CSMD1: variants seen among roughly 807,000 people sequenced by gnomAD.
CSMD1 encodes CUB and Sushi multiple domains 1.
Under a neutral mutation model 417.5 loss-of-function variants are expected in CSMD1, and 213 were observed. The ratio of observed to expected loss-of-function variants is 0.51; its 90% CI spans 0.46 to 0.57. CSMD1 has a LOEUF of 0.57. Among genes scored for constraint, CSMD1 ranks in the 20% least tolerant of loss-of-function variants. The pLI is 0.00. For synonymous variants in CSMD1, 2,862 were observed against 1,736.8 expected, an observed-to-expected ratio of 1.65 and a Z score of -16.11; for missense variants, 6,923 against 4,529.7, an observed-to-expected ratio of 1.53 and a Z score of -15.17.
intron 3 of CSMD1, among the ~76,000 whole-genome samples, chr8:4,346,287 A>G (rs1343197728): frequency 6.6e-6 from 1 of 152,180 alleles, no homozygotes; most frequent in East Asian, 1.9e-4. Context: ...CACATGAAAG[A>G]TACACATAAT....
At position 4,332,858 on chromosome 8, in the gene CSMD1, A is replaced by G. The variant is rs191428053; in HGVS notation, c.415+87095T>C. Among the ~76,000 whole-genome samples the G allele has an allele frequency of 3.6e-3, 549 of 152,012 alleles. 4 individuals are homozygous for G. The highest frequency in any genetic ancestry group is 4.2e-3 in the Non-Finnish European group (285 of 67,970). On this transcript the variant is annotated intron_variant, in intron 3 of 69. Transcript: ENST00000635120. ...GCTGATGAAATGTTTTTTCCCAATC[A>G]TCTACACAAAGGAATGTTTTTGAGA...
intron 2 of CSMD1, among the ~76,000 whole-genome samples, chr8:4,525,760 G>A (rs1796481712): frequency 6.6e-6 from 1 of 152,128 alleles, no homozygotes; most frequent in South Asian, 2.1e-4. Context: ...TATTTCACAA[G>A]GACAATCAAT....
At chr8:4,251,086 A>C (rs1040351562) in intron 3 of CSMD1, among the ~76,000 whole-genome samples, 4 of 152,184 alleles carry the variant, frequency 2.6e-5, no homozygotes, top group Non-Finnish European at 5.9e-5. Context: ...TTGTAGTCAC[A>C]TTTTCCCTGC....
At chr8:3,521,472 C>A (rs1432727441) in intron 10 of CSMD1, among the ~76,000 whole-genome samples, 1 of 152,174 alleles carries the variant, frequency 6.6e-6, no homozygotes, top group African/African-American at 2.4e-5. Context: ...TGGCCCATAG[C>A]ATTGTTCCTT....
intron 3 of CSMD1, among the ~76,000 whole-genome samples, chr8:4,035,352 C>G (rs926833815): frequency 6.6e-6 from 1 of 152,146 alleles, no homozygotes; most frequent in African/African-American, 2.4e-5. Flanking sequence ...ACTTACTATA[C>G]TATACTTTTT....
chr8:4,657,501 G>T (rs1018132206), intron 1 of CSMD1, among the ~76,000 whole-genome samples: 3 of 151,882 alleles, frequency 2.0e-5, no homozygotes, highest in Non-Finnish European at 4.4e-5. Context: ...TAGTTAAAGG[G>T]ACAAAGGCTT....
chr8:4,900,252 A>G (rs1055979836), intron 1 of CSMD1, among the ~76,000 whole-genome samples: 7 of 152,162 alleles, frequency 4.6e-5, no homozygotes, highest in African/African-American at 1.7e-4. Flanking sequence ...TTCACCTGCC[A>G]GTGTCACCTT....
At chr8:4,142,966 C>G (rs544551122) in intron 3 of CSMD1, among the ~76,000 whole-genome samples, 110 of 148,506 alleles carry the variant, frequency 7.4e-4, no homozygotes, top group Non-Finnish European at 1.3e-3. Flanking sequence ...CAGAAACTAT[C>G]AGATGCTTAG....
intron 54 of CSMD1, among the ~76,000 whole-genome samples, chr8:2,992,425 T>C (rs1405119936): frequency 3.3e-5 from 5 of 151,918 alleles, no homozygotes; most frequent in Admixed American, 2.0e-4. Flanking sequence ...TGCTTTGTTG[T>C]TGTTGCTGTT....
chr8:4,193,626 G>T (rs1402880469), intron 3 of CSMD1, among the ~76,000 whole-genome samples: 1 of 152,144 alleles, frequency 6.6e-6, no homozygotes, highest in African/African-American at 2.4e-5. Flanking sequence ...CAATGAGTGT[G>T]CTGTCAAGGG....
chr8:3,295,876 A>G (rs932936259), intron 25 of CSMD1, among the ~76,000 whole-genome samples: 1 of 152,142 alleles, frequency 6.6e-6, no homozygotes, highest in Non-Finnish European at 1.5e-5. Context: ...GATTTAGTTC[A>G]ATAATTCAAC....
At chr8:3,759,754 A>T (rs1438324851) in intron 5 of CSMD1, among the ~76,000 whole-genome samples, 1 of 151,310 alleles carries the variant, frequency 6.6e-6, no homozygotes, top group Admixed American at 6.6e-5. Flanking sequence ...AAAAAAAAAA[A>T]AAAATTAGCC....
intron 3 of CSMD1, among the ~76,000 whole-genome samples, chr8:4,376,518 G>C (rs927331211): frequency 2.6e-5 from 4 of 152,060 alleles, no homozygotes; most frequent in African/African-American, 9.7e-5. Context: ...TTTCCCCACA[G>C]TATATTTAAT....
At chr8:4,402,783 A>C (rs1448896862) in intron 3 of CSMD1, among the ~76,000 whole-genome samples, 3 of 146,954 alleles carry the variant, frequency 2.0e-5, no homozygotes, top group East Asian at 4.0e-4. Flanking sequence ...CTGTGAGTAT[A>C]ATGTCCTCAC....
intron 1 of CSMD1, among the ~76,000 whole-genome samples, chr8:4,897,452 G>A (rs1352215913): frequency 6.6e-6 from 1 of 152,076 alleles, no homozygotes; most frequent in Non-Finnish European, 1.5e-5. Flanking sequence ...TCCACTTGCT[G>A]ATGGGAATAT....
At chr8:3,994,720 G>A (rs1018751182) in intron 5 of CSMD1, among the ~76,000 whole-genome samples, 1 of 152,134 alleles carries the variant, frequency 6.6e-6, no homozygotes. Flanking sequence ...TTTGGCACAT[G>A]ACATCATCCC....
intron 2 of CSMD1, among the ~76,000 whole-genome samples, chr8:4,610,943 C>G (rs1251246149): frequency 6.6e-6 from 1 of 152,106 alleles, no homozygotes; most frequent in Non-Finnish European, 1.5e-5. Flanking sequence ...AAATCACATT[C>G]GATAAAATTG....
intron 3 of CSMD1, among the ~76,000 whole-genome samples, chr8:4,381,266 G>A (rs190981945): frequency 9.8e-5 from 15 of 152,296 alleles, no homozygotes; most frequent in East Asian, 3.9e-4. Context: ...GAATAAAGGC[G>A]TCAAAACAGC....
At chr8:3,292,806 G>T (rs532158458) in intron 25 of CSMD1, among the ~76,000 whole-genome samples, 1 of 151,244 alleles carries the variant, frequency 6.6e-6, no homozygotes, top group Admixed American at 6.6e-5. Flanking sequence ...TCTTTTAATT[G>T]GAGCATTTAG....
Sources: gnomAD v4.1 joint callset for allele counts (sites outside exome capture counted in the v4.1 genomes callset) on GRCh38, gnomAD v4.1.1 for gene constraint, MANE v1.5 for transcripts, NCBI Gene and HGNC (gene_info 2026-07-23, HGNC 2026-07-21) for gene names.